The following ANO4 variants were observed in gnomAD, a reference collection of about 807,000 sequenced individuals.
ANO4 encodes the protein anoctamin-4.
A neutral mutation model predicts 141.9 loss-of-function variants in ANO4; 69 were observed. That is an observed-to-expected ratio of 0.49 (90% CI 0.40 to 0.59). The LOEUF (loss-of-function observed/expected upper bound fraction) is 0.59, where lower values mean the gene tolerates loss of function less well. Among genes scored for constraint, ANO4 ranks in the 20% least tolerant of loss-of-function variants. The probability of loss-of-function intolerance (pLI) is 0.00; values close to 1 mark genes in which losing one functional copy is unlikely to be tolerated. For synonymous variants in ANO4, 350 were observed against 394.3 expected, an observed-to-expected ratio of 0.89 and a Z score of 1.33; for missense variants, 894 against 1,162.2, an observed-to-expected ratio of 0.77 and a Z score of 3.36.
chr12:101,030,119 A>T (rs2046916636), intron 9 of ANO4, among the ~76,000 whole-genome samples: 1 of 152,126 alleles, frequency 6.6e-6, no homozygotes, highest in Non-Finnish European at 1.5e-5. Flanking sequence ...TCAGCTCTGG[A>T]TCAAGTGGAC....
At position 100,780,783 on chromosome 12, in the gene ANO4, A is replaced by G. The variant is rs184879364; in HGVS notation, c.358+40678A>G. 3.0e-3 allele frequency among the ~76,000 whole-genome samples: 453 copies of G among 152,268 alleles called. 5 individuals carry two copies. Among genetic ancestry groups the G allele is most frequent in the African/African-American group, 0.01 (419 of 41,566 alleles). ...GGTCTTGAACTCCTGGCTTCAAGCA[A>G]TCCTCTCACCTTGGCCTCCCAAAAC... On this transcript the variant is annotated intron_variant, in intron 3 of 29. Coordinates refer to the ANO4 transcript ENST00000644049.
intron 1 of ANO4, among the ~76,000 whole-genome samples, chr12:100,817,920 A>T (rs909182834): frequency 2.0e-5 from 3 of 151,818 alleles, no homozygotes; most frequent in African/African-American, 4.8e-5. Context: ...TTTTTTGCAT[A>T]ATCATGCCTG....
intron 1 of ANO4, among the ~76,000 whole-genome samples, chr12:100,840,343 A>G (rs1213357508): frequency 4.6e-5 from 7 of 152,162 alleles, no homozygotes; most frequent in Non-Finnish European, 7.3e-5. Flanking sequence ...TGATCCTGTA[A>G]CTTGGTAGTA....
intron 1 of ANO4, among the ~76,000 whole-genome samples, chr12:100,851,764 C>T (rs2037885332): frequency 6.6e-6 from 1 of 152,002 alleles, no homozygotes; most frequent in Non-Finnish European, 1.5e-5. Context: ...GAAGGAAGGC[C>T]TCGCTTACCA....
At chr12:100,899,118 G>C (rs965336192) in intron 1 of ANO4, among the ~76,000 whole-genome samples, 1 of 152,132 alleles carries the variant, frequency 6.6e-6, no homozygotes, top group Non-Finnish European at 1.5e-5. Flanking sequence ...CTAGGCACCT[G>C]AGCATCAGAG....
chr12:100,894,465 T>A (rs999145560), intron 1 of ANO4, among the ~76,000 whole-genome samples: 1 of 152,066 alleles, frequency 6.6e-6, no homozygotes, highest in African/African-American at 2.4e-5. Context: ...CCAATTCTGA[T>A]GCTCAAAGCC....
intron 11 of ANO4, among the ~76,000 whole-genome samples, chr12:101,040,767 C>A (rs1216502296): frequency 2.0e-5 from 3 of 151,908 alleles, no homozygotes; most frequent in African/African-American, 7.3e-5. Flanking sequence ...CCCCCACCCC[C>A]CATAGGCCCT....
At chr12:101,101,550 G>A (rs2050186470) in intron 22 of ANO4, among the ~76,000 whole-genome samples, 1 of 151,902 alleles carries the variant, frequency 6.6e-6, no homozygotes, top group Non-Finnish European at 1.5e-5. Flanking sequence ...CCCTGACACA[G>A]CACACAGACC....
At chr12:101,069,508 T>C (rs1439439622) in intron 14 of ANO4, among the ~76,000 whole-genome samples, 1 of 152,180 alleles carries the variant, frequency 6.6e-6, no homozygotes. Context: ...CTTTAGTTAC[T>C]AAGAGAGGAT....
rs560211593 is a variant in ANO4, at chr12:101,002,916, G to A, written c.734+15246G>A. On this transcript the variant is annotated intron_variant, in intron 8 of 27. Coordinates refer to ENST00000392977, the MANE Select transcript of ANO4 (RefSeq NM_001286615.2). ...CCTTTCCTCTCCTTCCTTAGTCAAA[G>A]GTCATCCTCCTACTGTTGACAAAAG... Among the ~76,000 whole-genome samples the A allele has an allele frequency of 4.6e-5, 7 of 152,236 alleles. No homozygotes were observed. The South Asian group carries it at 8.3e-4, about 18-fold the overall frequency.
intron 8 of ANO4, among the ~76,000 whole-genome samples, chr12:101,011,373 T>A (rs575571478): frequency 6.6e-6 from 1 of 151,570 alleles, no homozygotes; most frequent in African/African-American, 2.4e-5. Flanking sequence ...TGAAACTTAT[T>A]CACATTTTTT....
At chr12:100,960,040 C>T (rs1422432788) in intron 5 of ANO4, among the ~76,000 whole-genome samples, 1 of 152,060 alleles carries the variant, frequency 6.6e-6, no homozygotes, top group East Asian at 1.9e-4. Context: ...GCCTCTGGGG[C>T]AGGGAAACAC....
In ANO4 at chr12:101,108,756, G is replaced by T. The variant is rs372136876; in HGVS notation, c.2150-1648G>T. 6.6e-5 allele frequency among the ~76,000 whole-genome samples: 10 copies of T among 152,076 alleles called. No individual in the cohort carries two copies. In the East Asian group the frequency reaches 1.9e-3, roughly 29 times the overall value. On this transcript the variant is annotated intron_variant, in intron 22 of 27. Coordinates refer to ENST00000392977, the MANE Select transcript of ANO4 (RefSeq NM_001286615.2). ...TTATTTTCCATTATGATGACTGGTT[G>T]TTTTGCATCAGAAACCACCTCCTTT...
chr12:101,090,812 T>G (rs2049739264), intron 17 of ANO4, among the ~76,000 whole-genome samples: 1 of 152,176 alleles, frequency 6.6e-6, no homozygotes. Context: ...GCCCATATGT[T>G]TCGAGCAGGT....
At chr12:100,847,866 A>G (rs1468306396) in intron 1 of ANO4, among the ~76,000 whole-genome samples, 1 of 152,218 alleles carries the variant, frequency 6.6e-6, no homozygotes, top group Non-Finnish European at 1.5e-5. Context: ...AGTCTTTAGT[A>G]ACATCAAGTT....
chr12:100,931,790 A>G (rs956081491), intron 3 of ANO4, among the ~76,000 whole-genome samples: 1 of 152,134 alleles, frequency 6.6e-6, no homozygotes, highest in African/African-American at 2.4e-5. Flanking sequence ...TCCTACAATT[A>G]GCTTTTATTT....
intron 22 of ANO4, among the ~76,000 whole-genome samples, chr12:101,101,733 G>A (rs1307625883): frequency 6.6e-6 from 1 of 151,950 alleles, no homozygotes; most frequent in African/African-American, 2.4e-5. Flanking sequence ...ACATCAGTGA[G>A]CCAAAAGATG....
intron 8 of ANO4, among the ~76,000 whole-genome samples, chr12:101,002,174 G>T (rs1368660305): frequency 2.0e-5 from 3 of 152,262 alleles, no homozygotes; most frequent in South Asian, 4.1e-4. Flanking sequence ...TCCCAAATCT[G>T]TCTATCCCAC....
At chr12:101,036,404 C>T (rs2047198811) in intron 9 of ANO4, among the ~76,000 whole-genome samples, 1 of 152,176 alleles carries the variant, frequency 6.6e-6, no homozygotes, top group African/African-American at 2.4e-5. Flanking sequence ...CGTCCATGTT[C>T]ATTGCAGCAT....
Sources: allele counts gnomAD v4.1 joint callset (sites outside exome capture counted in the v4.1 genomes callset), GRCh38; gene constraint gnomAD v4.1.1; transcripts MANE v1.5; gene names NCBI Gene and HGNC (gene_info 2026-07-23, HGNC 2026-07-21).